The following FRMD4A variants were observed in gnomAD, a reference collection of about 807,000 sequenced individuals.
FRMD4A encodes FERM domain containing 4A, also known as FERM domain-containing protein 4A.
FRMD4A carries 29 observed loss-of-function variants against 129.1 expected under a neutral mutation model. That is an observed-to-expected ratio of 0.22 (90% CI 0.17 to 0.31). The LOEUF (loss-of-function observed/expected upper bound fraction) is 0.31, where lower values mean the gene tolerates loss of function less well. Among genes scored for constraint, FRMD4A ranks in the 10% least tolerant of loss-of-function variants. The pLI, the probability that FRMD4A is intolerant of heterozygous loss-of-function variation, is 1.00. For missense variants in FRMD4A, 1,272 were observed against 1,375.8 expected, an observed-to-expected ratio of 0.92 and a Z score of 1.19; for synonymous variants, 634 against 571.6, an observed-to-expected ratio of 1.11 and a Z score of -1.56.
chr10:14,113,543 T>A (rs182270342), intron 2 of FRMD4A, among the ~76,000 whole-genome samples: 230 of 152,288 alleles, frequency 1.5e-3, no homozygotes, highest in Non-Finnish European at 2.6e-3. Flanking sequence ...CAGTAGACTA[T>A]TAGTAGTTAA....
chr10:14,143,973 G>C (rs1839960906), intron 2 of FRMD4A, among the ~76,000 whole-genome samples: 1 of 152,110 alleles, frequency 6.6e-6, no homozygotes, highest in Non-Finnish European at 1.5e-5. Flanking sequence ...GAAAAATGGA[G>C]CAAAATGTTG....
intron 2 of FRMD4A, among the ~76,000 whole-genome samples, chr10:13,892,625 G>C (rs1193048232): frequency 6.6e-6 from 1 of 152,046 alleles, no homozygotes; most frequent in East Asian, 1.9e-4. Flanking sequence ...AAAATAAAAG[G>C]GGATGCTGGC....
chr10:14,084,586 A>G (rs78090972), intron 2 of FRMD4A, among the ~76,000 whole-genome samples: 2 of 152,300 alleles, frequency 1.3e-5, no homozygotes, highest in East Asian at 3.9e-4. Context: ...TAGAGATCCC[A>G]AGCAACTTGC....
At chr10:13,675,394 A>C (rs1450959191) in intron 15 of FRMD4A, among the ~76,000 whole-genome samples, 1 of 152,196 alleles carries the variant, frequency 6.6e-6, no homozygotes, top group Non-Finnish European at 1.5e-5. Context: ...AGCAATTTTA[A>C]TACGTATTGA....
At chr10:13,743,604 C>G (rs78616541) in intron 9 of FRMD4A, among the ~76,000 whole-genome samples, 3 of 152,120 alleles carry the variant, frequency 2.0e-5, no homozygotes, top group African/African-American at 7.2e-5. Flanking sequence ...TGTTTAACCA[C>G]GACATGTCCT....
At chr10:13,781,366 AC>A (rs1234318942) in intron 6 of FRMD4A, among the ~76,000 whole-genome samples, 1 of 130,288 alleles carries the variant, frequency 7.7e-6, no homozygotes, top group Admixed American at 7.8e-5. Flanking sequence ...ACATGGATGA[AC>A]CTTTTTTTTT....
At chr10:14,328,659 T>TGC (rs71388174) in intron 2 of FRMD4A, among the ~76,000 whole-genome samples, 8,521 of 143,218 alleles carry the variant, frequency 0.059, 581 homozygotes, top group Middle Eastern at 0.12. Context: ...TGTGTGTGTG[T>TGC]GCATATGTGT....
chr10:13,781,198 G>T (rs11258607), intron 6 of FRMD4A, among the ~76,000 whole-genome samples: 41,871 of 150,944 alleles, frequency 0.28, 6,790 homozygotes, highest in Middle Eastern at 0.4. Flanking sequence ...CAGCTACTTA[G>T]GAGGGTGAAG....
intron 6 of FRMD4A, among the ~76,000 whole-genome samples, chr10:13,772,481 TC>T (rs2092485426): frequency 6.6e-6 from 1 of 152,138 alleles, no homozygotes; most frequent in Admixed American, 6.5e-5. Context: ...CCATTACAAC[TC>T]TGACTGGACA....
chr10:14,161,576 T>G (rs1840889922), intron 2 of FRMD4A, among the ~76,000 whole-genome samples: 1 of 152,094 alleles, frequency 6.6e-6, no homozygotes, highest in Non-Finnish European at 1.5e-5. Flanking sequence ...AAGAAAAATA[T>G]CACATATTCT....
intron 12 of FRMD4A, among the ~76,000 whole-genome samples, chr10:13,718,496 G>C (rs2089092476): frequency 1.3e-5 from 2 of 152,226 alleles, no homozygotes. Flanking sequence ...TCTCTCTACG[G>C]ATCCTCTTGC....
intron 15 of FRMD4A, among the ~76,000 whole-genome samples, chr10:13,679,447 A>AT (rs1175119774): frequency 1.2e-5 from 1 of 84,578 alleles, no homozygotes; most frequent in Non-Finnish European, 2.2e-5. Context: ...AAAAAAAAAA[A>AT]AAAAAAAAAA....
intron 14 of FRMD4A, among the ~76,000 whole-genome samples, chr10:13,699,047 CAAT>C (rs2086521408): frequency 7.4e-6 from 1 of 135,674 alleles, no homozygotes; most frequent in Non-Finnish European, 1.5e-5. Flanking sequence ...AATTTATCTA[CAAT>C]AATCTTTTTT....
intron 2 of FRMD4A, among the ~76,000 whole-genome samples, chr10:14,233,294 G>A (rs982050683): frequency 6.6e-6 from 1 of 152,176 alleles, no homozygotes; most frequent in Non-Finnish European, 1.5e-5. Flanking sequence ...ATCTGGCTAG[G>A]AGCAGTGGCT....
intron 2 of FRMD4A, among the ~76,000 whole-genome samples, chr10:14,115,355 A>G (rs1451101803): frequency 6.6e-6 from 1 of 152,216 alleles, no homozygotes; most frequent in African/African-American, 2.4e-5. Context: ...CTTATTTCAT[A>G]GCTCTCACAA....
At chr10:13,951,716 C>G (rs1264358797) in intron 2 of FRMD4A, among the ~76,000 whole-genome samples, 5 of 151,774 alleles carry the variant, frequency 3.3e-5, no homozygotes, top group Admixed American at 2.0e-4. Context: ...ATGGTGAAAC[C>G]CCGTCTCTAC....
chr10:13,919,580 A>G (rs2095047806), intron 2 of FRMD4A, among the ~76,000 whole-genome samples: 1 of 152,172 alleles, frequency 6.6e-6, no homozygotes, highest in African/African-American at 2.4e-5. Flanking sequence ...AATTAATTTT[A>G]TATAAATTAA....
At chr10:14,112,838 T>C (rs1366154593) in intron 2 of FRMD4A, among the ~76,000 whole-genome samples, 1 of 151,378 alleles carries the variant, frequency 6.6e-6, no homozygotes, top group Non-Finnish European at 1.5e-5. Flanking sequence ...CTGATTAAAC[T>C]TTTTTTCTTT....
intron 2 of FRMD4A, among the ~76,000 whole-genome samples, chr10:14,101,292 C>T (rs1018896696): frequency 1.3e-5 from 2 of 152,146 alleles, no homozygotes; most frequent in African/African-American, 4.8e-5. Flanking sequence ...TTCCTGCGGG[C>T]AATGAAACTC....
Sources: gnomAD v4.1 joint callset for allele counts (sites outside exome capture counted in the v4.1 genomes callset) on GRCh38, gnomAD v4.1.1 for gene constraint, MANE v1.5 for transcripts, NCBI Gene and HGNC (gene_info 2026-07-23, HGNC 2026-07-21) for gene names.